Variants in TYK2 observed in about 807,000 individuals in gnomAD.
TYK2 encodes the protein non-receptor tyrosine-protein kinase TYK2.
TYK2 carries 65 observed loss-of-function variants against 130.9 expected under a neutral mutation model. That is an observed-to-expected ratio of 0.50 (90% confidence interval 0.41 to 0.61). TYK2 has a LOEUF of 0.61. Among genes scored for constraint, TYK2 ranks in the 20% least tolerant of loss-of-function variants. The probability of loss-of-function intolerance (pLI) is 0.00; values close to 1 mark genes in which losing one functional copy is unlikely to be tolerated. For missense variants in TYK2, 1,378 were observed against 1,610.7 expected, an observed-to-expected ratio of 0.86 and a Z score of 2.47; for synonymous variants, 647 against 658.9, an observed-to-expected ratio of 0.98 and a Z score of 0.28.
intron 1 of TYK2, 24 bp downstream of exon 1, chr19:10,380,356 G>C (rs1568348623): frequency 6.6e-6 from 1 of 152,490 alleles, no homozygotes; most frequent in Non-Finnish European, 1.5e-5. Flanking sequence ...GCCGGCAACG[G>C]CGGGAACTGG....
Position 10,361,519 on chromosome 19 carries a change from C to T in TYK2, c.2039G>A (p.Gly680Asp). Reference sequence around the variant, plus strand: ...TGGCGGGACCCACTCACTTTCAGGGCCGCGCACACAGACGCCATGCACGAA... The same window carrying T: ...TGGCGGGACCCACTCACTTTCAGGGTCGCGCACACAGACGCCATGCACGAA... ...LAFVHGVCVR[G>D]PENIMVTEYV... is the part of the protein sequence containing the mutation. Residue 680 changes from glycine (G) to aspartate (D), a missense_variant, in exon 14 of 25, where the codon GGC becomes GAC. Transcript: ENST00000525621. The surrounding 1 kb of genome is among the most constrained non-coding windows in gnomAD (Gnocchi z 4.0). 1 of 1,545,288 alleles carries T rather than the reference C, an allele frequency of 6.5e-7. No homozygotes were observed. Among genetic ancestry groups the T allele is most frequent in the Non-Finnish European group, 8.7e-7 (1 of 1,146,786 alleles).
At chr19:10,368,764 C>G (rs2041786388) in intron 3 of TYK2, 1 of 346,754 alleles carries the variant, frequency 2.9e-6, no homozygotes, top group Non-Finnish European at 5.6e-6. Flanking sequence ...GATGGTGAAG[C>G]TGTAAGACAG....
chr19:10,378,430 G>C lies in TYK2; in HGVS notation c.-20-4C>G, dbSNP rs895829790. 2 of 1,603,260 alleles carry C rather than the reference G, an allele frequency of 1.2e-6. No homozygotes were observed. The highest frequency in any genetic ancestry group is 1.7e-6 in the Non-Finnish European group (2 of 1,178,988). On this transcript the variant is annotated splice_region_variant and splice_polypyrimidine_tract_variant and intron_variant, in intron 2 of 24. Transcript: ENST00000525621. ...ATGCTCCCGGCAGGTGGCTCAGCTG[G>C]AAAGGGGACAATCTGTCAGCTCCCA...
chr19:10,363,114 G>A (rs2041489217), intron 9 of TYK2, among the ~76,000 whole-genome samples: 1 of 151,402 alleles, frequency 6.6e-6, no homozygotes, highest in African/African-American at 2.4e-5. Context: ...GACCTCAGCT[G>A]ATCTGCCAGC....
rs2145275203 is a variant in TYK2 at position 10,368,296 on chromosome 19, T to G, written c.316A>C (p.Arg106=). The part of the protein sequence containing the change: ...DASLMLYFRI[R]FYFRNWHGMN... ...AGCTTTGCAAAGGTCTCCACCCACC[T>G]TATGCGGAAATATAGCATCAGGCTT... The change falls in exon 4 of 25, where the codon AGG becomes CGG. Residue 106 remains arginine (R), a splice_region_variant and synonymous_variant. Coordinates refer to ENST00000525621, the MANE Select transcript of TYK2 (RefSeq NM_003331.5). The G allele has an allele frequency of 1.9e-6, 3 of 1,614,162 alleles. No homozygotes were observed. The highest frequency in any genetic ancestry group is 2.5e-6 in the Non-Finnish European group (3 of 1,180,028).
intron 20 of TYK2, 30 bp downstream of exon 20, chr19:10,354,012 A>G: frequency 3.1e-6 from 5 of 1,611,892 alleles, no homozygotes; most frequent in Non-Finnish European, 4.2e-6. Flanking sequence ...CGCCCCCTCA[A>G]GTCTCTAGGA....
chr19:10,366,292 G>A (rs2041660425), intron 6 of TYK2, 125 bp downstream of exon 6: 11 of 999,684 alleles, frequency 1.1e-5, no homozygotes, highest in Non-Finnish European at 1.6e-5. Context: ...AGGTGACAGA[G>A]AGAGACTCCG....
In TYK2 at chr19:10,361,637, C is replaced by T. The variant is rs2041408168; in HGVS notation, c.1960-39G>A. The T allele has an allele frequency of 6.4e-7, 1 of 1,554,498 alleles. No individual in the cohort carries two copies. The highest frequency in any genetic ancestry group is 1.2e-5 in the South Asian group (1 of 86,630). On this transcript the variant is annotated intron_variant, in intron 13 of 24. Transcript: ENST00000525621. The surrounding 1 kb of genome is among the most constrained non-coding windows in gnomAD (Gnocchi z 4.0). ...GCAGGTCAGGTGGCTGCAAAGCCGACCCCTCCCATCCCACCTCCTCCACGG... is the reference window on the plus strand; with the variant it reads ...GCAGGTCAGGTGGCTGCAAAGCCGATCCCTCCCATCCCACCTCCTCCACGG...
intron 3 of TYK2, among the ~76,000 whole-genome samples, chr19:10,377,506 GA>G (rs2042174638): frequency 8.6e-6 from 1 of 115,902 alleles, no homozygotes; most frequent in Non-Finnish European, 1.8e-5. Flanking sequence ...ATAGGTGGGT[GA>G]GTGGGTGAGT....
chr19:10,365,543 C>T lies in TYK2; in HGVS notation c.985G>A (p.Val329Ile), dbSNP rs759288032. The change falls in exon 7 of 25, where the codon GTA becomes ATA. Residue 329 changes from valine (V) to isoleucine (I), a missense_variant. Coordinates refer to ENST00000525621, the MANE Select transcript of TYK2 (RefSeq NM_003331.5). ...TGTGGIQWWP[V>I]EEEVNKEEGS... ...TCCTCCTTGTTCACCTCCTCCTCTA[C>T]TGGCCACCACTGGATGCCACCAGTG... The T allele has an allele frequency of 4.5e-5, 73 of 1,613,982 alleles. No homozygotes were observed. The highest frequency in any genetic ancestry group is 5.8e-5 in the Non-Finnish European group (69 of 1,180,026).
chr19:10,374,125 G>A lies in TYK2; in HGVS notation c.193+4089C>T, dbSNP rs192622496. Among the ~76,000 whole-genome samples, 36 of 152,156 alleles carry A rather than the reference G, an allele frequency of 2.4e-4. 1 individual carries two copies. The highest frequency in any genetic ancestry group is 8.4e-4 in the African/African-American group (35 of 41,528). On this transcript the variant is annotated intron_variant, in intron 3 of 24. Coordinates refer to ENST00000525621, the MANE Select transcript of TYK2 (RefSeq NM_003331.5). Reference sequence around the variant, plus strand: ...ACTAAAAATACAAAAAATTAGCCAGGCGTGGTGGTGGGTGCCTATAGTCCC... The same window carrying A: ...ACTAAAAATACAAAAAATTAGCCAGACGTGGTGGTGGGTGCCTATAGTCCC...
At chr19:10,358,280 G>GTTT in intron 15 of TYK2, 142 bp from the exon 16 acceptor site, 1 of 674,816 alleles carries the variant, frequency 1.5e-6, no homozygotes, top group Admixed American at 3.6e-5. Flanking sequence ...TTTTTGGGGG[G>GTTT]TTATTTTTTT....
At chr19:10,371,147 G>A (rs12720240) in intron 3 of TYK2, among the ~76,000 whole-genome samples, 2,430 of 151,530 alleles carry the variant, frequency 0.016, 66 homozygotes, top group African/African-American at 0.056. Context: ...TGTAGTTTTT[G>A]TAGAGAAGGG....
Position 10,354,134 on chromosome 19 carries a change from T to A in TYK2, c.2816A>T (p.Gln939Leu). Reference protein sequence around the residue: ...VKALKADCGPQHRSGWKQEID... With the variant: ...VKALKADCGPLHRSGWKQEID... ...CTCCTGCTTCCAGCCCGAGCGGTGC[T>A]GGGGGCCGCAGTCTGCCTTGAGGGC... The change falls in exon 20 of 25, where the codon CAG (glutamine) becomes CTG (leucine). Residue 939 changes from glutamine to leucine, a missense_variant. By Grantham distance (113) the Gln-to-Leu change is moderately radical (BLOSUM62 -2). Coordinates refer to ENST00000525621, the MANE Select transcript of TYK2 (RefSeq NM_003331.5). The A allele has an allele frequency of 6.2e-7, 1 of 1,614,076 alleles. No individual in the cohort carries two copies. Among genetic ancestry groups the A allele is most frequent in the South Asian group, 1.1e-5 (1 of 91,084 alleles).
intron 22 of TYK2, 143 bp downstream of exon 22, chr19:10,352,783 C>T: frequency 8.7e-7 from 1 of 1,143,588 alleles, no homozygotes; most frequent in Non-Finnish European, 1.2e-6. Context: ...CCCCTTGCCT[C>T]CATAGGCCCC....
chr19:10,372,623 C>T (rs961860561), intron 3 of TYK2, among the ~76,000 whole-genome samples: 3 of 149,752 alleles, frequency 2.0e-5, no homozygotes, highest in Non-Finnish European at 4.4e-5. Flanking sequence ...GCTGGGACTA[C>T]AGGTGCACAC....
In TYK2 at chr19:10,362,414, TG is replaced by T; in HGVS notation, c.1518del (p.Ile507LeufsTer32). On this transcript the variant is annotated frameshift_variant, in exon 11 of 25. Transcript: ENST00000525621. LOFTEE classifies it high-confidence loss of function. ...ACGAAGGCCCCGTCCTGCTGCTCAA[TG>T]GGGAACTTTCGGAGCCGCAAGCTCT... ...GMQSLRLRKF[P>X]IEQQDGAFVL... 1 of 1,611,504 alleles carries T rather than the reference TG, an allele frequency of 6.2e-7. No homozygotes were observed. The highest frequency in any genetic ancestry group is 8.5e-7 in the Non-Finnish European group (1 of 1,178,294).
At chr19:10,372,486 T>A (rs868575898) in intron 3 of TYK2, among the ~76,000 whole-genome samples, 1,648 of 43,534 alleles carry the variant, frequency 0.038, 4 homozygotes, top group Non-Finnish European at 0.054. Flanking sequence ...ATATATATAT[T>A]TTTTTTTTTT....
chr19:10,352,987 C>T lies in TYK2; in HGVS notation c.3139G>A (p.Ala1047Thr). Residue 1047 changes from alanine (A) to threonine (T), a missense_variant, in exon 22 of 25, where the codon GCC becomes ACC. Ala to Thr is a moderately conservative substitution (Grantham distance 58). Transcript: ENST00000525621. ...TAGTACTCGTGGCCTTCGGGCACGG[C>T]CTTGGCTAGGCCAAAGTCCCCGATC... ...VKIGDFGLAK[A>T]VPEGHEYYRV... 1.2e-6 allele frequency: 2 copies of T among 1,607,434 alleles called. No homozygotes were observed. Among genetic ancestry groups the T allele is most frequent in the Non-Finnish European group, 1.7e-6 (2 of 1,176,902 alleles).
Sources: gnomAD v4.1 joint callset for allele counts (sites outside exome capture counted in the v4.1 genomes callset) on GRCh38, gnomAD v4.1.1 for gene constraint, Gnocchi (gnomAD v3.1) non-coding constraint, MANE v1.5 for transcripts, NCBI Gene and HGNC (gene_info 2026-07-23, HGNC 2026-07-21) for gene names.